TIAM1: variants seen among roughly 807,000 people sequenced by gnomAD.
TIAM1 encodes TIAM Rac1 associated GEF 1, also known as rho guanine nucleotide exchange factor TIAM1.
Under a neutral mutation model 163.5 loss-of-function variants are expected in TIAM1, and 65 were observed. The ratio of observed to expected loss-of-function variants is 0.40; its 90% CI spans 0.33 to 0.49. TIAM1 has a LOEUF of 0.49. TIAM1 is among the 20% of genes least tolerant of loss of function. The pLI is 0.77. For synonymous variants in TIAM1, 833 were observed against 810.1 expected (o/e 1.03, Z -0.48); for missense variants, 1,789 against 2,044.7 (o/e 0.87, Z 2.41).
rs542030866 is a variant in TIAM1 at position 31,471,384 on chromosome 21, TG to T, written c.-421-7350del. Among the ~76,000 whole-genome samples, 52 of 152,288 alleles carry T rather than the reference TG, an allele frequency of 3.4e-4. 1 individual carries two copies. The South Asian group carries it at 0.01, about 30-fold the overall frequency. On this transcript the variant is annotated intron_variant, in intron 1 of 28. Transcript: ENST00000286827. The stretch of plus-strand genomic sequence containing the variant: ...CAGAATGAACCTCATAGGGCTGTTG[TG>T]GGGTCAAGGAGAAAATGTGCTTTGC...
rs34230162 is a variant in TIAM1, at chr21:31,296,825, A to G, written c.-188-19917T>C. Among the ~76,000 whole-genome samples the G allele has an allele frequency of 7.0e-3, 1,058 of 151,940 alleles. 11 individuals are homozygous for G. Among genetic ancestry groups the G allele is most frequent in the Non-Finnish European group, 8.4e-3 (572 of 67,944 alleles). ...ACTACAGGCATGTGCCACCACGCCCAGCTAATTTTTTGTATTTTTAGTAGA... is the reference window on the plus strand; with the variant it reads ...ACTACAGGCATGTGCCACCACGCCCGGCTAATTTTTTGTATTTTTAGTAGA... On this transcript the variant is annotated intron_variant, in intron 2 of 27. Coordinates refer to ENST00000541036, the MANE Select transcript of TIAM1 (RefSeq NM_001353694.2).
intron 2 of TIAM1, among the ~76,000 whole-genome samples, chr21:31,453,601 G>A (rs1211870191): frequency 1.3e-5 from 2 of 152,084 alleles, no homozygotes; most frequent in Non-Finnish European, 2.9e-5. Flanking sequence ...GCTGAGGCAG[G>A]AGAATTGCTT....
At chr21:31,183,554 A>C (rs1468819721) in intron 14 of TIAM1, among the ~76,000 whole-genome samples, 1 of 152,232 alleles carries the variant, frequency 6.6e-6, no homozygotes, top group Non-Finnish European at 1.5e-5. Context: ...GATAAATTGC[A>C]GGAACGAGAA....
At chr21:31,146,865 C>T (rs1184904531) in intron 20 of TIAM1, 30 bp downstream of exon 20, 3 of 1,576,478 alleles carry the variant, frequency 1.9e-6, no homozygotes, top group South Asian at 2.2e-5. Context: ...AAGCAACACA[C>T]CCCCACCTCC....
chr21:31,426,615 C>T (rs1200915784), intron 2 of TIAM1, among the ~76,000 whole-genome samples: 3 of 152,144 alleles, frequency 2.0e-5, no homozygotes, highest in Non-Finnish European at 4.4e-5. Flanking sequence ...ACTCAGGTCC[C>T]TTGGTAAGCC....
At chr21:31,166,152 T>G (rs1222416257) in intron 15 of TIAM1, among the ~76,000 whole-genome samples, 1 of 152,206 alleles carries the variant, frequency 6.6e-6, no homozygotes, top group African/African-American at 2.4e-5. Flanking sequence ...CGAATGATAC[T>G]AATCAAAACT....
chr21:31,152,457 T>C (rs1162205002), intron 19 of TIAM1, among the ~76,000 whole-genome samples, 179 bp downstream of exon 19: 3 of 152,198 alleles, frequency 2.0e-5, no homozygotes, highest in African/African-American at 7.2e-5. Context: ...TTAATGCAAA[T>C]TGATGGCATT....
intron 2 of TIAM1, among the ~76,000 whole-genome samples, chr21:31,360,738 G>A (rs1287115012): frequency 6.6e-6 from 1 of 152,132 alleles, no homozygotes; most frequent in Non-Finnish European, 1.5e-5. Context: ...AATAAAAAAT[G>A]ACAAGTGACA....
At chr21:31,229,464 T>C (rs937629978) in intron 6 of TIAM1, among the ~76,000 whole-genome samples, 1 of 152,180 alleles carries the variant, frequency 6.6e-6, no homozygotes, top group Non-Finnish European at 1.5e-5. Context: ...AAAACTGTCC[T>C]TACAAAACTA....
At chr21:31,515,211 A>G (rs1259212665) in intron 1 of TIAM1, among the ~76,000 whole-genome samples, 1 of 152,006 alleles carries the variant, frequency 6.6e-6, no homozygotes, top group East Asian at 1.9e-4. Context: ...CGCAGCCCTC[A>G]TGTGCCTGGA....
At chr21:31,295,269 G>C (rs184448651) in intron 2 of TIAM1, among the ~76,000 whole-genome samples, 65 of 152,216 alleles carry the variant, frequency 4.3e-4, no homozygotes, top group Middle Eastern at 3.4e-3. Flanking sequence ...AGGAAATCGA[G>C]ACCATCCCGG....
chr21:31,438,323 C>T (rs771872907), intron 2 of TIAM1, among the ~76,000 whole-genome samples: 35 of 150,968 alleles, frequency 2.3e-4, no homozygotes, highest in Non-Finnish European at 3.5e-4. Flanking sequence ...TCCCAAGTAG[C>T]TGGGATTACA....
intron 2 of TIAM1, among the ~76,000 whole-genome samples, chr21:31,323,618 G>A (rs2075388551): frequency 6.6e-6 from 1 of 151,442 alleles, no homozygotes; most frequent in African/African-American, 2.4e-5. Context: ...ATCACCTGAG[G>A]TCAGGAGTTT....
chr21:31,306,262 T>G (rs574338726), intron 2 of TIAM1, among the ~76,000 whole-genome samples: 51 of 151,638 alleles, frequency 3.4e-4, no homozygotes, highest in African/African-American at 1.1e-3. Context: ...CTGGCTTGGA[T>G]GAAAGAGCAA....
At chr21:31,291,090 C>T (rs993096176) in intron 2 of TIAM1, among the ~76,000 whole-genome samples, 3 of 152,080 alleles carry the variant, frequency 2.0e-5, no homozygotes, top group African/African-American at 7.2e-5. Context: ...CTCCACCCAC[C>T]ACAAGTCAAG....
chr21:31,154,681 C>T (rs183029984), intron 16 of TIAM1, among the ~76,000 whole-genome samples: 3 of 152,310 alleles, frequency 2.0e-5, no homozygotes, highest in African/African-American at 7.2e-5. Context: ...TCTGCCCACA[C>T]GGTAAGGACA....
At chr21:31,474,771 C>G (rs574570312) in intron 1 of TIAM1, among the ~76,000 whole-genome samples, 175 of 152,004 alleles carry the variant, frequency 1.2e-3, no homozygotes, top group African/African-American at 4.1e-3. Context: ...GTCTCGAACT[C>G]CCGACCTCAG....
chr21:31,284,414 G>A lies in TIAM1; in HGVS notation c.-188-7506C>T, dbSNP rs1221946396. 2.0e-5 allele frequency among the ~76,000 whole-genome samples: 3 copies of A among 152,192 alleles called. No individual in the cohort carries two copies. In the East Asian group the frequency reaches 5.8e-4, roughly 29 times the overall value. On this transcript the variant is annotated intron_variant, in intron 2 of 27. Transcript: ENST00000541036. ...ATGTAAGTTGTAGAAGCTGCAACAG[G>A]CACAGGAGGAAGCCACACTTCCTAG...
chr21:31,529,704 G>A (rs899857319), intron 1 of TIAM1, among the ~76,000 whole-genome samples: 1 of 152,202 alleles, frequency 6.6e-6, no homozygotes, highest in African/African-American at 2.4e-5. Context: ...GAGAGCAACT[G>A]TCATTGCAAG....
Sources: gnomAD v4.1 joint callset for allele counts (sites outside exome capture counted in the v4.1 genomes callset) on GRCh38, gnomAD v4.1.1 for gene constraint, MANE v1.5 for transcripts, NCBI Gene and HGNC (gene_info 2026-07-23, HGNC 2026-07-21) for gene names.